OSTM1: variants seen among roughly 807,000 people sequenced by gnomAD.
OSTM1 encodes osteoclastogenesis associated transmembrane protein 1, also known as osteopetrosis-associated transmembrane protein 1.
A neutral mutation model predicts 35.4 loss-of-function variants in OSTM1; 26 were observed. The ratio of observed to expected loss-of-function variants is 0.73; its 90% confidence interval spans 0.54 to 1.02. The LOEUF (loss-of-function observed/expected upper bound fraction) is 1.02. OSTM1 is among the 50% of genes least tolerant of loss of function. The probability of loss-of-function intolerance (pLI) is 0.00; values close to 1 mark genes in which losing one functional copy is unlikely to be tolerated. For synonymous variants in OSTM1, 181 were observed against 165.0 expected (o/e 1.10, Z -0.75); for missense variants, 366 against 409.6 (o/e 0.89, Z 0.92).
chr6:108,046,221 C>T (rs12530401), intron 5 of OSTM1, among the ~76,000 whole-genome samples: 23,949 of 141,592 alleles, frequency 0.17, 2,424 homozygotes, highest in Admixed American at 0.22. Context: ...AGGATTTCAC[C>T]GTGTTAGCCA....
rs1293953393 is a variant in OSTM1 at position 108,067,528 on chromosome 6, TG to T, written c.403-3230del. On this transcript the variant is annotated intron_variant, in intron 1 of 5. Coordinates refer to ENST00000193322, the MANE Select transcript of OSTM1 (RefSeq NM_014028.4). Reference sequence around the variant, plus strand: ...ACAGAGGAATGGAGGGACAGGGGAATGGAAAGAAATGATAGAAAGTCAGCCT... The same window carrying T: ...ACAGAGGAATGGAGGGACAGGGGAATGAAAGAAATGATAGAAAGTCAGCCT... 2.6e-5 allele frequency among the ~76,000 whole-genome samples: 4 copies of T among 151,666 alleles called. No homozygotes were observed. In the East Asian group the frequency reaches 7.8e-4, roughly 29 times the overall value.
chr6:108,043,459 AT>A lies in OSTM1; in HGVS notation c.*1325del, dbSNP rs1771907470. Reference sequence around the variant, plus strand: ...AGAGCATTTTATAGTATAGGAAGGGATTCAAATTCTCTTTTTAACAAAATTC... The same window carrying A: ...AGAGCATTTTATAGTATAGGAAGGGATCAAATTCTCTTTTTAACAAAATTC... On this transcript the variant is annotated 3_prime_UTR_variant, in exon 6 of 6. Transcript: ENST00000193322. The A allele has an allele frequency of 6.6e-6, 1 of 152,206 alleles. No homozygotes were observed. Among genetic ancestry groups the A allele is most frequent in the South Asian group, 2.1e-4 (1 of 4,832 alleles). 9.4% of individuals were successfully genotyped at this position (152,206 alleles called of 1,614,324 possible).
chr6:108,059,017 T>C (rs1392630821), intron 2 of OSTM1, among the ~76,000 whole-genome samples: 5 of 152,202 alleles, frequency 3.3e-5, no homozygotes, highest in Non-Finnish European at 7.4e-5. Context: ...GAAAGAGTTT[T>C]CAGTGTGTAA....
intron 2 of OSTM1, among the ~76,000 whole-genome samples, chr6:108,056,347 AT>A (rs1312174843): frequency 6.6e-6 from 1 of 152,242 alleles, no homozygotes; most frequent in African/African-American, 2.4e-5. Context: ...ACTCAGTCTG[AT>A]TCTTGAGCCT....
intron 1 of OSTM1, among the ~76,000 whole-genome samples, chr6:108,070,264 C>T (rs1428147822): frequency 6.6e-6 from 1 of 152,062 alleles, no homozygotes; most frequent in African/African-American, 2.4e-5. Flanking sequence ...GTCTCAAACT[C>T]CTGGCCTCAA....
chr6:108,050,834 C>T (rs558046208), intron 4 of OSTM1, among the ~76,000 whole-genome samples, 197 bp downstream of exon 4: 34 of 152,256 alleles, frequency 2.2e-4, no homozygotes, highest in Middle Eastern at 3.4e-3. Flanking sequence ...TTTATCCTAA[C>T]CATGAGACTA....
intron 1 of OSTM1, among the ~76,000 whole-genome samples, chr6:108,072,788 C>G (rs982368713): frequency 1.2e-4 from 18 of 151,838 alleles, no homozygotes; most frequent in African/African-American, 4.4e-4. Context: ...GATGGAGTCT[C>G]ACTCTGTTGC....
chr6:108,058,489 T>G (rs1458282640), intron 2 of OSTM1, among the ~76,000 whole-genome samples: 2 of 151,180 alleles, frequency 1.3e-5, no homozygotes, highest in Non-Finnish European at 3.0e-5. Context: ...GGATAAAATA[T>G]GGGAAAGAAA....
chr6:108,054,395 T>C, intron 3 of OSTM1, 95 bp downstream of exon 3: 1 of 587,344 alleles, frequency 1.7e-6, no homozygotes, highest in South Asian at 2.2e-5. Flanking sequence ...TGAATTTAGA[T>C]AAATATCAAT....
At chr6:108,066,112 GT>G (rs1772371890) in intron 1 of OSTM1, among the ~76,000 whole-genome samples, 1 of 152,146 alleles carries the variant, frequency 6.6e-6, no homozygotes, top group African/African-American at 2.4e-5. Flanking sequence ...TTAGAACAAG[GT>G]TATGAGAGGC....
At chr6:108,046,625 G>T (rs564981031) in intron 5 of OSTM1, among the ~76,000 whole-genome samples, 1 of 152,072 alleles carries the variant, frequency 6.6e-6, no homozygotes, top group Admixed American at 6.5e-5. Flanking sequence ...GATTACAGGC[G>T]TGAGCCACCG....
At chr6:108,074,212 C>A in intron 1 of OSTM1, 38 bp downstream of exon 1, 1 of 1,605,702 alleles carries the variant, frequency 6.2e-7, no homozygotes, top group Non-Finnish European at 8.5e-7. Flanking sequence ...TTTCCCAACT[C>A]TCCTGAGCCA....
chr6:108,062,850 G>A (rs947611511), intron 2 of OSTM1, among the ~76,000 whole-genome samples: 2 of 151,920 alleles, frequency 1.3e-5, no homozygotes, highest in Admixed American at 1.3e-4. Flanking sequence ...TTAATAATAT[G>A]CTGATATTCT....
rs373567301 is a variant in OSTM1, at chr6:108,046,306, C to T, written c.950-1466G>A. The stretch of plus-strand genomic sequence containing the variant: ...AAGTGCTGGGATTACAGGCGTGAGC[C>T]ACCGTGCCTGGCCTACCAATGTCTC... On this transcript the variant is annotated intron_variant, in intron 5 of 5. Coordinates refer to ENST00000193322, the MANE Select transcript of OSTM1 (RefSeq NM_014028.4). 1.1e-4 allele frequency among the ~76,000 whole-genome samples: 16 copies of T among 148,264 alleles called. No homozygotes were observed. The East Asian group carries it at 3.2e-3, about 30-fold the overall frequency.
Position 108,042,268 on chromosome 6 carries a change from C to CAAAA in OSTM1, c.*2513_*2516dup, listed in dbSNP as rs562640840. 1.1e-3 allele frequency: 72 copies of CAAAA among 63,750 alleles called. No homozygotes were observed. The highest frequency in any genetic ancestry group is 2.0e-3 in the African/African-American group (33 of 16,602). The allele number at this position is 63,750 out of a possible 1,614,324, so 3.9% of individuals were successfully genotyped here. A position where few individuals can be genotyped will look rare whatever the true frequency, so the allele number is the denominator to read the frequency against. Reference sequence around the variant, plus strand: ...GCAACATAGTGAGACACTGTCTCTACAAAAAAAAAAAAAAAAAAAATTAAT... The same window carrying CAAAA: ...GCAACATAGTGAGACACTGTCTCTACAAAAAAAAAAAAAAAAAAAAAAAATTAAT... On this transcript the variant is annotated 3_prime_UTR_variant, in exon 6 of 6. Transcript: ENST00000193322.
At chr6:108,062,620 T>A (rs1419991449) in intron 2 of OSTM1, among the ~76,000 whole-genome samples, 1 of 151,582 alleles carries the variant, frequency 6.6e-6, no homozygotes, top group Middle Eastern at 3.2e-3. Context: ...CAACCATGAT[T>A]CATTGCAGCC....
At chr6:108,067,569 C>T (rs532206092) in intron 1 of OSTM1, among the ~76,000 whole-genome samples, 2 of 121,668 alleles carry the variant, frequency 1.6e-5, no homozygotes, top group East Asian at 3.0e-4. Context: ...CCGTGGCTCA[C>T]GCCTGTATCC....
chr6:108,050,520 C>T (rs151194472), intron 4 of OSTM1, among the ~76,000 whole-genome samples: 1 of 152,192 alleles, frequency 6.6e-6, no homozygotes, highest in African/African-American at 2.4e-5. Flanking sequence ...TGTGCCACTA[C>T]ACCCGGCTAA....
intron 2 of OSTM1, among the ~76,000 whole-genome samples, chr6:108,062,538 T>TC (rs1397478036): frequency 6.7e-6 from 1 of 149,734 alleles, no homozygotes; most frequent in East Asian, 1.9e-4. Context: ...TTCTTTTCTT[T>TC]TTTTTTTTTT....
Sources: allele counts gnomAD v4.1 joint callset (sites outside exome capture counted in the v4.1 genomes callset), GRCh38; gene constraint gnomAD v4.1.1; transcripts MANE v1.5; gene names NCBI Gene and HGNC (gene_info 2026-07-23, HGNC 2026-07-21).